NEBL: variants seen among roughly 807,000 people sequenced by gnomAD.
NEBL encodes the protein nebulette.
In NEBL, 122 loss-of-function variants were observed where a neutral mutation model predicts 140.2. The observed-to-expected ratio is 0.87, with a 90% confidence interval of 0.75 to 1.01. The LOEUF (loss-of-function observed/expected upper bound fraction) is 1.01, where lower values mean the gene tolerates loss of function less well. Ranked by LOEUF, NEBL falls within the 50% of genes least tolerant of loss-of-function variation. The probability of loss-of-function intolerance (pLI) is 0.00; values close to 1 mark genes in which losing one functional copy is unlikely to be tolerated. For synonymous variants in NEBL, 436 were observed against 398.9 expected (o/e 1.09, Z -1.11); for missense variants, 1,365 against 1,231.3 (o/e 1.11, Z -1.62).
chr10:21,223,644 T>C (rs1389046455), intron 3 of NEBL, among the ~76,000 whole-genome samples: 1 of 152,214 alleles, frequency 6.6e-6, no homozygotes, highest in Non-Finnish European at 1.5e-5. Context: ...ATAGTAGTTG[T>C]ATTAATTTAC....
intron 3 of NEBL, among the ~76,000 whole-genome samples, chr10:21,227,446 T>A (rs1469174583): frequency 6.6e-6 from 1 of 152,190 alleles, no homozygotes; most frequent in African/African-American, 2.4e-5. Flanking sequence ...GAACAATAAT[T>A]TTGTGTTGAA....
chr10:21,104,406 TC>T (rs1351556208), intron 2 of NEBL, among the ~76,000 whole-genome samples: 1 of 152,216 alleles, frequency 6.6e-6, no homozygotes, highest in Non-Finnish European at 1.5e-5. Flanking sequence ...ATTTAATTTT[TC>T]CAGCAACATT....
chr10:21,259,603 C>T (rs571711401), intron 1 of NEBL, among the ~76,000 whole-genome samples: 12 of 152,298 alleles, frequency 7.9e-5, no homozygotes, highest in African/African-American at 2.9e-4. Context: ...CTCTTGCTAA[C>T]AGCACCTCAA....
chr10:21,098,214 TCTCA>T (rs3864840), intron 2 of NEBL, among the ~76,000 whole-genome samples: 65,815 of 151,574 alleles, frequency 0.43, 17,576 homozygotes, highest in Non-Finnish European at 0.59. Context: ...ACACACACAT[TCTCA>T]CTCACACGTG....
At chr10:21,093,094 A>G (rs1836996598) in intron 2 of NEBL, among the ~76,000 whole-genome samples, 2 of 151,152 alleles carry the variant, frequency 1.3e-5, no homozygotes, top group Non-Finnish European at 2.9e-5. Context: ...CGTATCTACC[A>G]AGGAGAAAAG....
chr10:21,051,376 A>C (rs991709218), intron 2 of NEBL, among the ~76,000 whole-genome samples: 1 of 152,224 alleles, frequency 6.6e-6, no homozygotes, highest in East Asian at 1.9e-4. Flanking sequence ...AGCTAAAAGG[A>C]GTAGAGATGT....
At chr10:21,214,494 A>G (rs1841960233) in intron 3 of NEBL, among the ~76,000 whole-genome samples, 1 of 151,340 alleles carries the variant, frequency 6.6e-6, no homozygotes, top group African/African-American at 2.4e-5. Flanking sequence ...CGCGCACATT[A>G]CACACATGCA....
rs188460306 is a variant in NEBL, at chr10:20,802,966, T to G, written c.2761+5544A>C. 5.9e-5 allele frequency among the ~76,000 whole-genome samples: 9 copies of G among 152,206 alleles called. No homozygotes were observed. In the East Asian group the frequency reaches 1.4e-3, roughly 23 times the overall value. On this transcript the variant is annotated intron_variant, in intron 26 of 27. Transcript: ENST00000377122. The stretch of plus-strand genomic sequence containing the variant: ...GATGCAAAATTTAAGCCTAATAAGG[T>G]TAAATGACCCCTTTGATAACCCGGA...
chr10:21,045,992 A>G (rs1442112714), intron 2 of NEBL, among the ~76,000 whole-genome samples: 2 of 129,446 alleles, frequency 1.5e-5, no homozygotes, highest in Non-Finnish European at 3.3e-5. Flanking sequence ...AGATGAATGG[A>G]TAAAAAAATG....
At chr10:21,100,424 G>C (rs927987731) in intron 2 of NEBL, among the ~76,000 whole-genome samples, 1 of 152,196 alleles carries the variant, frequency 6.6e-6, no homozygotes, top group African/African-American at 2.4e-5. Context: ...GCAGTTGTTA[G>C]AGCTGGAAGA....
At chr10:20,985,281 A>T (rs144874496) in intron 3 of NEBL, among the ~76,000 whole-genome samples, 1 of 152,268 alleles carries the variant, frequency 6.6e-6, no homozygotes, top group Non-Finnish European at 1.5e-5. Flanking sequence ...ATGCCCTTCA[A>T]TCTCAAACAG....
chr10:21,151,497 C>CA (rs528670977), intron 2 of NEBL, among the ~76,000 whole-genome samples: 174 of 152,272 alleles, frequency 1.1e-3, no homozygotes, highest in Admixed American at 4.8e-3. Flanking sequence ...TTTATTTTTA[C>CA]AACCAGCCAA....
intron 7 of NEBL, among the ~76,000 whole-genome samples, chr10:20,865,620 T>C (rs1844195907): frequency 6.6e-6 from 1 of 152,170 alleles, no homozygotes; most frequent in Non-Finnish European, 1.5e-5. Context: ...GCTGGAAATC[T>C]GAAGTGATGC....
chr10:20,809,569 TCTTA>T (rs1188227924), intron 25 of NEBL, among the ~76,000 whole-genome samples: 1 of 152,142 alleles, frequency 6.6e-6, no homozygotes, highest in Non-Finnish European at 1.5e-5. Flanking sequence ...ATAAAAGCAT[TCTTA>T]CTAATAAAAA....
chr10:21,076,472 A>G (rs1241534502), intron 2 of NEBL, among the ~76,000 whole-genome samples: 54 of 143,014 alleles, frequency 3.8e-4, no homozygotes, highest in African/African-American at 1.4e-3. Context: ...AAAAAAAAAA[A>G]AAGAATTACC....
intron 2 of NEBL, among the ~76,000 whole-genome samples, chr10:21,142,961 T>A (rs1476702713): frequency 6.6e-6 from 1 of 152,174 alleles, no homozygotes; most frequent in Admixed American, 6.5e-5. Flanking sequence ...CTTCAGGTAG[T>A]TATACAGTGG....
At chr10:21,102,335 T>G (rs1234713952) in intron 2 of NEBL, among the ~76,000 whole-genome samples, 1 of 152,230 alleles carries the variant, frequency 6.6e-6, no homozygotes, top group Non-Finnish European at 1.5e-5. Context: ...TTTTGATATA[T>G]GCATGTCCAT....
chr10:20,790,002 AC>A (rs1835816322), intron 26 of NEBL, among the ~76,000 whole-genome samples: 1 of 150,866 alleles, frequency 6.6e-6, no homozygotes, highest in African/African-American at 2.4e-5. Context: ...ATTTATGCCT[AC>A]TCCTTACTTA....
chr10:20,890,106 C>T (rs768641957), intron 2 of NEBL, among the ~76,000 whole-genome samples, 157 bp from the exon 3 acceptor site: 7 of 152,062 alleles, frequency 4.6e-5, no homozygotes, highest in Non-Finnish European at 7.4e-5. Context: ...AACGGCTATC[C>T]AGCACAGGAT....
Sources: gnomAD v4.1 joint callset for allele counts (sites outside exome capture counted in the v4.1 genomes callset) on GRCh38, gnomAD v4.1.1 for gene constraint, MANE v1.5 for transcripts, NCBI Gene and HGNC (gene_info 2026-07-23, HGNC 2026-07-21) for gene names.